Variants in GAL observed in about 807,000 individuals in gnomAD.
The protein encoded by GAL is galanin peptides.
In GAL, 14 loss-of-function variants were observed where a neutral mutation model predicts 15.8. The ratio of observed to expected loss-of-function variants is 0.89; its 90% CI spans 0.59 to 1.39. The LOEUF is 1.39. Among genes scored for constraint, GAL ranks in the 40% most tolerant of loss-of-function variants. The probability of loss-of-function intolerance (pLI) is 0.00; values close to 1 mark genes in which losing one functional copy is unlikely to be tolerated. For missense variants in GAL, 176 were observed against 170.4 expected (o/e 1.03, Z -0.18); for synonymous variants, 79 against 73.8 (o/e 1.07, Z -0.36).
rs1373100830 is a variant in GAL, at chr11:68,684,987, G to A, written c.64G>A (p.Ala22Thr). The A allele has an allele frequency of 1.2e-6, 2 of 1,602,730 alleles. No individual in the cohort carries two copies. Among genetic ancestry groups the A allele is most frequent in the Middle Eastern group, 1.7e-4 (1 of 5,976 alleles). Residue 22 changes from alanine (A) to threonine (T), a missense_variant, in exon 2 of 6, where the codon GCG becomes ACG. By Grantham distance (58) the Ala-to-Thr change is moderately conservative. Transcript: ENST00000265643. Reference protein sequence around the residue: ...LLLAAALSASAGLWSPAKEKR... With the variant: ...LLLAAALSASTGLWSPAKEKR... ...CCTCGCCGCGGCCCTTTCTGCCTCT[G>A]CGGGGCTCTGGTCGCCGGTAAGTGC...
chr11:68,685,549 C>G (rs757360072), intron 2 of GAL, 45 bp from the exon 3 acceptor site: 12 of 1,404,890 alleles, frequency 8.5e-6, no homozygotes, highest in Non-Finnish European at 1.2e-5. Context: ...TCAGCATAGG[C>G]TCCAGGCACA....
At chr11:68,690,590 C>T (rs1945895791) in intron 5 of GAL, among the ~76,000 whole-genome samples, 1 of 152,142 alleles carries the variant, frequency 6.6e-6, no homozygotes, top group South Asian at 2.1e-4. Context: ...AGGGACTCTG[C>T]TAGATTTTTG....
rs780904685 is a variant in GAL at position 68,688,059 on chromosome 11, C to T, written c.182C>T (p.Thr61Ile). ...HRSFSDKNGLTSKRELRPEDD... is the reference protein window; with the variant it reads ...HRSFSDKNGLISKRELRPEDD... ...TCATTCAGCGACAAGAATGGCCTCACCAGCAAGCGGGAGCTGCGGCCCGAA... is the reference window on the plus strand; with the variant it reads ...TCATTCAGCGACAAGAATGGCCTCATCAGCAAGCGGGAGCTGCGGCCCGAA... The change falls in exon 4 of 6, where the codon ACC (threonine) becomes ATC (isoleucine). Residue 61 changes from threonine (T) to isoleucine (I), a missense_variant. Thr to Ile is a moderately conservative substitution (Grantham distance 89, BLOSUM62 -1). Transcript: ENST00000265643. 1 of 1,613,172 alleles carries T rather than the reference C, an allele frequency of 6.2e-7. No individual in the cohort carries two copies. The highest frequency in any genetic ancestry group is 8.5e-7 in the Non-Finnish European group (1 of 1,179,320).
chr11:68,688,031 A>G lies in GAL; in HGVS notation c.154A>G (p.Arg52Gly), dbSNP rs899343462. The change falls in exon 4 of 6, where the codon AGG becomes GGG. Residue 52 changes from arginine (R) to glycine (G), a missense_variant. By Grantham distance (125) the Arg-to-Gly change is moderately radical. Transcript: ENST00000265643. ...GCAAACAGATGCCGTTGGCAACCAC[A>G]GGTCATTCAGCGACAAGAATGGCCT... is the stretch of plus-strand genomic sequence containing the variant. ...LLGPHAVGNH[R>G]SFSDKNGLTS... is the part of the protein sequence containing the mutation. 2 of 1,611,828 alleles carry G rather than the reference A, an allele frequency of 1.2e-6. No homozygotes were observed. Among genetic ancestry groups the G allele is most frequent in the Middle Eastern group, 3.3e-4 (2 of 6,056 alleles).
At chr11:68,685,448 T>G in intron 2 of GAL, 146 bp from the exon 3 acceptor site, 1 of 664,862 alleles carries the variant, frequency 1.5e-6, no homozygotes. Context: ...ATAGCCGACT[T>G]AGGGGTAAAC....
At chr11:68,686,620 G>A (rs1239973287) in intron 3 of GAL, among the ~76,000 whole-genome samples, 1 of 152,228 alleles carries the variant, frequency 6.6e-6, no homozygotes, top group Non-Finnish European at 1.5e-5. Flanking sequence ...TTAAGAAACA[G>A]ACACGGGGAT....
intron 5 of GAL, 48 bp downstream of exon 5, chr11:68,688,974 A>G: frequency 1.1e-6 from 1 of 909,226 alleles, no homozygotes; most frequent in Non-Finnish European, 1.8e-6. Context: ...GTACACTGGA[A>G]ACGTAAAAGG....
rs766037052 is a variant in GAL at position 68,688,014 on chromosome 11, A to ATT, written c.138_139insTT (p.Ala47LeufsTer27). 16 of 1,603,830 alleles carry ATT rather than the reference A, an allele frequency of 1.0e-5. No homozygotes were observed. Among genetic ancestry groups the ATT allele is most frequent in the Admixed American group, 1.7e-5 (1 of 59,996 alleles). On this transcript the variant is annotated frameshift_variant and splice_region_variant, in exon 4 of 6. Transcript: ENST00000265643. LOFTEE classifies it high-confidence loss of function. Reference sequence around the variant, plus strand: ...GCTTTCCTCTCTGATCTGCAAACAGATGCCGTTGGCAACCACAGGTCATTC... The same window carrying ATT: ...GCTTTCCTCTCTGATCTGCAAACAGATTTGCCGTTGGCAACCACAGGTCATTC...
chr11:68,689,445 C>G (rs530949510), intron 5 of GAL, among the ~76,000 whole-genome samples: 1 of 151,638 alleles, frequency 6.6e-6, no homozygotes, highest in East Asian at 1.9e-4. Flanking sequence ...CGCCCAGGCT[C>G]GAATGTAGTG....
In GAL at chr11:68,691,053, C is replaced by G. The variant is rs1469846892; in HGVS notation, c.*66C>G. 3.0e-6 allele frequency: 3 copies of G among 992,928 alleles called. No individual in the cohort carries two copies. In the Admixed American group the frequency reaches 5.1e-5, roughly 17 times the overall value. The allele number at this position is 992,928 out of a possible 1,614,324, so 61.5% of individuals were successfully genotyped here. On this transcript the variant is annotated 3_prime_UTR_variant, in exon 6 of 6. Transcript: ENST00000265643. ...GTCAAACCTTAAGATAATGGATAATCTTCGGCCAATTTATGCAGAGTCAGC... is the reference window on the plus strand; with the variant it reads ...GTCAAACCTTAAGATAATGGATAATGTTCGGCCAATTTATGCAGAGTCAGC...
Position 68,690,936 on chromosome 11 carries a change from C to T in GAL, c.321C>T (p.Arg107=), listed in dbSNP as rs1028728347. 2.5e-6 allele frequency: 4 copies of T among 1,613,042 alleles called. No individual in the cohort carries two copies. Among genetic ancestry groups the T allele is most frequent in the Non-Finnish European group, 2.5e-6 (3 of 1,179,480 alleles). Residue 107 remains arginine (R), a synonymous_variant, in exon 6 of 6, where the codon CGC becomes CGT. Transcript: ENST00000265643. ...TTGCAGAGGCCGGTGCCCTCGACCG[C>T]CTCCTGGATCTCCCCGCCGCAGCCT... ...LHLKEAGALD[R]LLDLPAAASS...
At chr11:68,689,562 AATT>A (rs981561646) in intron 5 of GAL, among the ~76,000 whole-genome samples, 1 of 151,958 alleles carries the variant, frequency 6.6e-6, no homozygotes, top group African/African-American at 2.4e-5. Flanking sequence ...ATGCCTGGCT[AATT>A]TTTGTATTTT....
intron 1 of GAL, 56 bp from the exon 2 acceptor site, chr11:68,684,868 C>G: frequency 8.9e-7 from 1 of 1,126,656 alleles, no homozygotes; most frequent in Non-Finnish European, 1.3e-6. Context: ...CACTCCTTGC[C>G]TCGGGGCGCA....
chr11:68,684,887 C>T (rs1945834688), intron 1 of GAL, 37 bp from the exon 2 acceptor site: 1 of 1,383,148 alleles, frequency 7.2e-7, no homozygotes, highest in African/African-American at 1.4e-5. Flanking sequence ...CAGCCCACTC[C>T]GGGTTCCGAC....
intron 3 of GAL, 78 bp downstream of exon 3, chr11:68,685,726 G>T: frequency 9.9e-7 from 1 of 1,005,512 alleles, no homozygotes; most frequent in Non-Finnish European, 1.6e-6. Flanking sequence ...CTGCCCCTCC[G>T]CCTGCGGCTG....
intron 3 of GAL, 77 bp downstream of exon 3, chr11:68,685,725 C>T (rs1327758575): frequency 2.2e-5 from 23 of 1,022,694 alleles, no homozygotes; most frequent in South Asian, 9.3e-5. Context: ...CCTGCCCCTC[C>T]GCCTGCGGCT....
In GAL at chr11:68,686,296, C is replaced by A. The variant is rs139831332; in HGVS notation, c.136+648C>A. Among the ~76,000 whole-genome samples the A allele has an allele frequency of 3.5e-3, 533 of 152,282 alleles. 4 individuals carry two copies. Among genetic ancestry groups the A allele is most frequent in the African/African-American group, 0.012 (505 of 41,554 alleles). ...ACTTTCTCCACATCCTTGGTCTGTGCAGCAATGCCTTCTGACTTTCCTCCA... is the reference window on the plus strand; with the variant it reads ...ACTTTCTCCACATCCTTGGTCTGTGAAGCAATGCCTTCTGACTTTCCTCCA... On this transcript the variant is annotated intron_variant, in intron 3 of 5. Transcript: ENST00000265643.
At chr11:68,686,183 C>T (rs889952079) in intron 3 of GAL, among the ~76,000 whole-genome samples, 2 of 152,208 alleles carry the variant, frequency 1.3e-5, no homozygotes, top group African/African-American at 4.8e-5. Flanking sequence ...GCGGTGTCCC[C>T]TGCTGCCTGA....
intron 3 of GAL, 57 bp from the exon 4 acceptor site, chr11:68,687,957 G>A: frequency 9.4e-7 from 1 of 1,069,488 alleles, no homozygotes; most frequent in Non-Finnish European, 1.5e-6. Flanking sequence ...CTTTGGGTGT[G>A]GGGAGGGCGT....
Sources: allele counts gnomAD v4.1 joint callset (sites outside exome capture counted in the v4.1 genomes callset), GRCh38; gene constraint gnomAD v4.1.1; transcripts MANE v1.5; gene names NCBI Gene and HGNC (gene_info 2026-07-23, HGNC 2026-07-21).